Variants in PCDH15 observed in about 807,000 individuals in gnomAD.
PCDH15 encodes protocadherin related 15.
PCDH15 carries 129 observed loss-of-function variants against 178.5 expected under a neutral mutation model. The ratio of observed to expected loss-of-function variants is 0.72; its 90% CI spans 0.63 to 0.84. The LOEUF (loss-of-function observed/expected upper bound fraction) is 0.84, where lower values mean the gene tolerates loss of function less well. PCDH15 is among the 40% of genes least tolerant of loss of function. The pLI is 0.00. For missense variants in PCDH15, 2,230 were observed against 2,099.9 expected (o/e 1.06, Z -1.21); for synonymous variants, 800 against 732.0 (o/e 1.09, Z -1.50).
In PCDH15 at chr10:54,400,041, G is replaced by C. The variant is rs111677093; in HGVS notation, c.158-21099C>G. On this transcript the variant is annotated intron_variant, in intron 3 of 37. Transcript: ENST00000644397. Reference sequence around the variant, plus strand: ...CAGAGATGAATAAGGCAGAGAGAGAGCAAGGTTGTTGACACCCAGGTTCTA... The same window carrying C: ...CAGAGATGAATAAGGCAGAGAGAGACCAAGGTTGTTGACACCCAGGTTCTA... 8.3e-3 allele frequency among the ~76,000 whole-genome samples: 1,263 copies of C among 152,180 alleles called. 17 individuals carry two copies. The highest frequency in any genetic ancestry group is 0.029 in the African/African-American group (1,194 of 41,540).
At chr10:54,641,615 T>C (rs1469077502) in intron 2 of PCDH15, among the ~76,000 whole-genome samples, 2 of 151,690 alleles carry the variant, frequency 1.3e-5, no homozygotes, top group African/African-American at 4.9e-5. Context: ...CACTGCTGTG[T>C]GTATCTGTGT....
chr10:55,397,643 C>T lies in PCDH15; in HGVS notation c.-156+229982G>A, dbSNP rs186783186. 3.1e-3 allele frequency among the ~76,000 whole-genome samples: 478 copies of T among 152,100 alleles called. 2 individuals carry two copies. The highest frequency in any genetic ancestry group is 0.015 in the South Asian group (72 of 4,816). On this transcript the variant is annotated intron_variant, in intron 2 of 5. Coordinates refer to the PCDH15 transcript ENST00000613346. ...TGTCGCCCAGGCTGGAGTGCAGTGG[C>T]GTGATCTCGGCTCACTGCAACCTCT...
chr10:55,200,337 G>T (rs1840209257), intron 1 of PCDH15, among the ~76,000 whole-genome samples: 1 of 152,114 alleles, frequency 6.6e-6, no homozygotes, highest in Non-Finnish European at 1.5e-5. Flanking sequence ...CTGTGTTTTG[G>T]ACTTGCAAGG....
chr10:54,818,044 T>C (rs1012207662), intron 3 of PCDH15, among the ~76,000 whole-genome samples: 1 of 152,004 alleles, frequency 6.6e-6, no homozygotes, highest in Non-Finnish European at 1.5e-5. Context: ...GTAACAACCC[T>C]AAAGTTTGGA....
chr10:54,421,839 CACACACACTATAT>C (rs1955452531), intron 3 of PCDH15, among the ~76,000 whole-genome samples: 1 of 72,972 alleles, frequency 1.4e-5, no homozygotes, highest in Non-Finnish European at 2.7e-5. Context: ...TATATATATA[CACACACACTATAT>C]ATATATATAT....
intron 5 of PCDH15, among the ~76,000 whole-genome samples, chr10:54,360,712 T>C (rs1383219968): frequency 2.0e-5 from 3 of 152,126 alleles, no homozygotes; most frequent in Non-Finnish European, 4.4e-5. Context: ...CATCATCCTA[T>C]CATTCTATTC....
chr10:53,854,925 A>G lies in PCDH15; in HGVS notation c.3806+2250T>C, dbSNP rs551037507. ...TCCTTCACAATGATACGATTCTCTC[A>G]AGACCTGAAAGTTACCTGATTTTTC... On this transcript the variant is annotated intron_variant, in intron 28 of 37. Coordinates refer to ENST00000644397, the MANE Select transcript of PCDH15 (RefSeq NM_001384140.1). Among the ~76,000 whole-genome samples, 7 of 152,194 alleles carry G rather than the reference A, an allele frequency of 4.6e-5. No homozygotes were observed. The South Asian group carries it at 1.2e-3, about 27-fold the overall frequency.
At chr10:55,227,276 G>A (rs1004417592) in intron 1 of PCDH15, among the ~76,000 whole-genome samples, 9 of 151,982 alleles carry the variant, frequency 5.9e-5, no homozygotes, top group African/African-American at 2.2e-4. Flanking sequence ...ATTCTCAGAC[G>A]ACTAAATTTA....
At chr10:54,337,131 C>A (rs547413017) in intron 6 of PCDH15, among the ~76,000 whole-genome samples, 1 of 151,438 alleles carries the variant, frequency 6.6e-6, no homozygotes, top group East Asian at 1.9e-4. Flanking sequence ...TATATTCATA[C>A]CCAATGCCTG....
rs1469246415 is a variant in PCDH15, at chr10:53,926,921, T to TCC, written c.3373+11893_3373+11894insGG. On this transcript the variant is annotated intron_variant, in intron 25 of 37. Transcript: ENST00000644397. Reference sequence around the variant, plus strand: ...TAAAGCGCTAATCTCACCTTGTGGATACGTATCCCCTTACAGCACTTAGAA... The same window carrying TCC: ...TAAAGCGCTAATCTCACCTTGTGGATCCACGTATCCCCTTACAGCACTTAGAA... Among the ~76,000 whole-genome samples the TCC allele has an allele frequency of 2.6e-5, 4 of 151,940 alleles. No homozygotes were observed. The East Asian group carries it at 7.9e-4, about 30-fold the overall frequency.
chr10:54,377,051 A>C (rs1171959639), intron 4 of PCDH15, among the ~76,000 whole-genome samples: 6 of 152,036 alleles, frequency 3.9e-5, no homozygotes, highest in Non-Finnish European at 7.4e-5. Flanking sequence ...TGTTTGCATT[A>C]TAATTTTACA....
chr10:54,887,261 TCAACA>T lies in PCDH15; in HGVS notation c.-29+10184_-29+10188del. Among the ~76,000 whole-genome samples the T allele has an allele frequency of 1.3e-5, 2 of 152,296 alleles. 1 individual carries two copies. The highest frequency in any genetic ancestry group is 2.9e-5 in the Non-Finnish European group (2 of 68,008). ...TTGGATCTTTTTAGAGCACCTCACA[TCAACA>T]GATCCTTGCAATTGTTAATGAAGTC... On this transcript the variant is annotated intron_variant, in intron 3 of 5. Coordinates refer to the PCDH15 transcript ENST00000458638.
chr10:55,567,843 TG>T (rs1347760114), intron 2 of PCDH15, among the ~76,000 whole-genome samples: 1 of 149,430 alleles, frequency 6.7e-6, no homozygotes, highest in African/African-American at 2.5e-5. Flanking sequence ...CCATCAGACA[TG>T]AAAAAAAAAA....
At chr10:55,052,630 C>T (rs1456857695) in intron 2 of PCDH15, among the ~76,000 whole-genome samples, 2 of 147,362 alleles carry the variant, frequency 1.4e-5, no homozygotes, top group Admixed American at 6.8e-5. Flanking sequence ...GTGGGAGGAT[C>T]GCTGGAACCC....
chr10:55,120,244 C>T (rs1837731600), intron 2 of PCDH15, among the ~76,000 whole-genome samples: 1 of 152,018 alleles, frequency 6.6e-6, no homozygotes, highest in African/African-American at 2.4e-5. Flanking sequence ...GGATGATGAG[C>T]TATTTTCTGA....
chr10:54,031,405 T>G (rs572610904), intron 18 of PCDH15, among the ~76,000 whole-genome samples: 1 of 152,168 alleles, frequency 6.6e-6, no homozygotes, highest in African/African-American at 2.4e-5. Context: ...GCTACGCAAT[T>G]AAATAATTGG....
chr10:54,091,153 G>A (rs142242495), intron 15 of PCDH15, among the ~76,000 whole-genome samples: 5 of 152,260 alleles, frequency 3.3e-5, no homozygotes, highest in East Asian at 1.9e-4. Context: ...TGAGTCATTC[G>A]ATCCTCTTAT....
At chr10:55,074,648 T>A (rs969799169) in intron 2 of PCDH15, among the ~76,000 whole-genome samples, 4 of 152,178 alleles carry the variant, frequency 2.6e-5, no homozygotes, top group Non-Finnish European at 5.9e-5. Context: ...GCAAAAAATT[T>A]CTCCCACTCT....
At chr10:55,153,540 A>G (rs1838795364) in intron 2 of PCDH15, among the ~76,000 whole-genome samples, 1 of 152,168 alleles carries the variant, frequency 6.6e-6, no homozygotes, top group Non-Finnish European at 1.5e-5. Context: ...CAGAAGCTAG[A>G]AGTCATACAG....
Sources: allele counts gnomAD v4.1 joint callset (sites outside exome capture counted in the v4.1 genomes callset), GRCh38; gene constraint gnomAD v4.1.1; transcripts MANE v1.5; gene names NCBI Gene and HGNC (gene_info 2026-07-23, HGNC 2026-07-21).